SCP2: variants seen among roughly 807,000 people sequenced by gnomAD.
SCP2 encodes SCP-2/3-oxoacyl-CoA thiolase.
A neutral mutation model predicts 71.4 loss-of-function variants in SCP2; 48 were observed. The observed-to-expected ratio is 0.67, with a 90% CI of 0.53 to 0.86. The LOEUF (loss-of-function observed/expected upper bound fraction) is 0.86. Among genes scored for constraint, SCP2 ranks in the 40% least tolerant of loss-of-function variants. The pLI, the probability that SCP2 is intolerant of heterozygous loss-of-function variation, is 0.00. For missense variants in SCP2, 560 were observed against 655.6 expected (o/e 0.85, Z 1.59); for synonymous variants, 220 against 218.1 (o/e 1.01, Z -0.08).
At chr1:52,954,854 G>T in intron 5 of SCP2, 50 bp downstream of exon 5, 2 of 1,310,542 alleles carry the variant, frequency 1.5e-6, no homozygotes, top group Non-Finnish European at 1.1e-6. Context: ...TAACCCAAAA[G>T]TTGAAAGGTG....
chr1:53,038,003 T>C (rs1663141247), intron 13 of SCP2, among the ~76,000 whole-genome samples: 1 of 125,958 alleles, frequency 7.9e-6, no homozygotes, highest in African/African-American at 3.4e-5. Context: ...AATTAACCAG[T>C]TGTGGTGGCA....
At chr1:52,979,985 C>CT (rs2150172783) in intron 9 of SCP2, among the ~76,000 whole-genome samples, 1 of 106,528 alleles carries the variant, frequency 9.4e-6, no homozygotes, top group African/African-American at 3.5e-5. Flanking sequence ...TTTTTTGTTT[C>CT]TTTTTTGAGA....
At chr1:52,972,985 A>G (rs954425572) in intron 6 of SCP2, among the ~76,000 whole-genome samples, 3 of 152,168 alleles carry the variant, frequency 2.0e-5, no homozygotes, top group Non-Finnish European at 4.4e-5. Context: ...TGAGTGTTTA[A>G]TTTATATTCT....
chr1:52,994,771 A>G (rs1222514604), intron 11 of SCP2: 1 of 600,480 alleles, frequency 1.7e-6, no homozygotes. Context: ...TGGCAACCGG[A>G]TGGGTGCCAA....
chr1:52,952,476 C>T (rs1381740691), intron 4 of SCP2, among the ~76,000 whole-genome samples: 1 of 152,148 alleles, frequency 6.6e-6, no homozygotes, highest in Non-Finnish European at 1.5e-5. Flanking sequence ...ATCTTCCTGC[C>T]TTGGCCCCTC....
intron 12 of SCP2, among the ~76,000 whole-genome samples, chr1:53,021,896 T>G (rs1332381591): frequency 6.6e-6 from 1 of 152,026 alleles, no homozygotes; most frequent in Non-Finnish European, 1.5e-5. Flanking sequence ...CCACCTGCCT[T>G]GGACTCCCAA....
chr1:53,038,436 G>C (rs1663179998), intron 13 of SCP2, among the ~76,000 whole-genome samples: 1 of 152,004 alleles, frequency 6.6e-6, no homozygotes, highest in South Asian at 2.1e-4. Context: ...ACAAGGTCTT[G>C]CTTTGTTGCC....
At chr1:52,947,194 T>A in intron 2 of SCP2, among the ~76,000 whole-genome samples, 1 of 141,640 alleles carries the variant, frequency 7.1e-6, no homozygotes, top group Non-Finnish European at 1.5e-5. Flanking sequence ...CTGCAGTGAG[T>A]TATGATCACA....
chr1:52,929,609 T>C (rs1369527692), intron 1 of SCP2, among the ~76,000 whole-genome samples: 1 of 151,874 alleles, frequency 6.6e-6, no homozygotes, highest in Admixed American at 6.6e-5. Context: ...CATGCCCAGC[T>C]ACTTTTTGTA....
Position 52,948,568 on chromosome 1 carries a change from T to C in SCP2, c.199+488T>C, listed in dbSNP as rs1194725673. Reference sequence around the variant, plus strand: ...TGAACCCAGGAGGCAGAGGTTGTAGTGAGCCGAGATTGTGCCACTGCACTC... The same window carrying C: ...TGAACCCAGGAGGCAGAGGTTGTAGCGAGCCGAGATTGTGCCACTGCACTC... On this transcript the variant is annotated intron_variant, in intron 3 of 15. Coordinates refer to ENST00000371514, the MANE Select transcript of SCP2 (RefSeq NM_002979.5). 4.9e-5 allele frequency among the ~76,000 whole-genome samples: 7 copies of C among 141,942 alleles called. No homozygotes were observed. In the Admixed American group the frequency reaches 5.5e-4, roughly 11 times the overall value. The allele number at this position is 141,942 out of a possible 152,430, so 93.1% of individuals were successfully genotyped here.
chr1:52,970,331 C>T (rs1657352120), intron 6 of SCP2, among the ~76,000 whole-genome samples: 2 of 152,140 alleles, frequency 1.3e-5, no homozygotes, highest in African/African-American at 4.8e-5. Context: ...TGCACCACAG[C>T]CACAAACCCC....
intron 6 of SCP2, chr1:52,963,765 G>T (rs911325540): frequency 1.3e-5 from 2 of 152,168 alleles, no homozygotes; most frequent in African/African-American, 4.8e-5. Context: ...GAAGCTTGGA[G>T]AATTTGAGTA....
intron 11 of SCP2, chr1:52,995,557 G>A (rs1273531721): frequency 1.5e-5 from 7 of 454,908 alleles, no homozygotes; most frequent in African/African-American, 2.0e-5. Context: ...TAGCAGCATC[G>A]AGCTTTCACA....
At chr1:53,044,033 G>A (rs1313663766) in intron 14 of SCP2, among the ~76,000 whole-genome samples, 1 of 151,848 alleles carries the variant, frequency 6.6e-6, no homozygotes, top group Non-Finnish European at 1.5e-5. Context: ...AATACTATAG[G>A]CATACTATGC....
chr1:52,990,733 CAAAAAAAA>C (rs61221989), intron 11 of SCP2, among the ~76,000 whole-genome samples: 1 of 62,410 alleles, frequency 1.6e-5, no homozygotes, highest in South Asian at 7.8e-4. Context: ...GACTCCGTCT[CAAAAAAAA>C]AAAAAAAAAA....
At chr1:52,935,237 G>C (rs1202494325) in intron 1 of SCP2, among the ~76,000 whole-genome samples, 2 of 151,540 alleles carry the variant, frequency 1.3e-5, no homozygotes, top group African/African-American at 2.4e-5. Context: ...TTGCACTCCA[G>C]CTTGGGCAAC....
chr1:52,931,347 A>G (rs1653132723), intron 1 of SCP2, among the ~76,000 whole-genome samples: 1 of 152,164 alleles, frequency 6.6e-6, no homozygotes, highest in Non-Finnish European at 1.5e-5. Flanking sequence ...AAAGAAGAAA[A>G]AGACTATTCT....
intron 12 of SCP2, among the ~76,000 whole-genome samples, chr1:53,019,991 A>G (rs1348616361): frequency 1.3e-5 from 2 of 152,104 alleles, no homozygotes; most frequent in Non-Finnish European, 1.5e-5. Context: ...GGTTCATGCA[A>G]TTCTTGTGCC....
At chr1:53,039,755 T>C (rs955841335) in intron 14 of SCP2, among the ~76,000 whole-genome samples, 8 of 152,232 alleles carry the variant, frequency 5.3e-5, no homozygotes, top group African/African-American at 1.9e-4. Flanking sequence ...CCTTAATTCC[T>C]TGGGGATCTT....
Sources: gnomAD v4.1 joint callset for allele counts (sites outside exome capture counted in the v4.1 genomes callset) on GRCh38, gnomAD v4.1.1 for gene constraint, MANE v1.5 for transcripts, NCBI Gene and HGNC (gene_info 2026-07-23, HGNC 2026-07-21) for gene names.